SGCG: variants seen among roughly 807,000 people sequenced by gnomAD.
SGCG encodes the protein sarcoglycan gamma, also known as gamma-sarcoglycan.
A neutral mutation model predicts 29.3 loss-of-function variants in SGCG; 26 were observed. The observed-to-expected ratio is 0.89, with a 90% confidence interval of 0.65 to 1.23. The LOEUF is 1.23. Ranked by LOEUF, SGCG falls within the 50% of genes most tolerant of loss-of-function variation. SGCG has a pLI of 0.00. For missense variants in SGCG, 353 were observed against 356.0 expected (o/e 0.99, Z 0.07); for synonymous variants, 145 against 129.7 (o/e 1.12, Z -0.80).
intron 4 of SGCG, among the ~76,000 whole-genome samples, chr13:23,255,080 G>T (rs1313354043): frequency 1.3e-5 from 2 of 152,188 alleles, no homozygotes; most frequent in East Asian, 1.9e-4. Flanking sequence ...CCCTACTGGG[G>T]CATTGCCTAG....
At chr13:23,229,897 C>T (rs1005433052) in intron 2 of SGCG, among the ~76,000 whole-genome samples, 3 of 152,102 alleles carry the variant, frequency 2.0e-5, no homozygotes, top group East Asian at 1.9e-4. Context: ...GCTTATCCTC[C>T]AAGGTTTTTA....
chr13:23,230,173 G>T (rs1879055843), intron 2 of SGCG, among the ~76,000 whole-genome samples: 1 of 152,114 alleles, frequency 6.6e-6, no homozygotes, highest in Admixed American at 6.5e-5. Flanking sequence ...GTGCTCTTTT[G>T]GTTACTGTAG....
At chr13:23,168,887 G>A in the SGCG span, among the ~76,000 whole-genome samples, 3 of 151,954 alleles carry the variant, frequency 2.0e-5, no homozygotes, top group Admixed American at 6.6e-5. Flanking sequence ...CTGAAATTGT[G>A]AGGCATATTA....
intron 6 of SGCG, among the ~76,000 whole-genome samples, chr13:23,310,226 A>G (rs1167899754): frequency 2.0e-5 from 3 of 151,460 alleles, no homozygotes; most frequent in African/African-American, 7.3e-5. Context: ...AGCTGGGACT[A>G]CAGGCGCCCG....
chr13:23,238,625 A>G (rs1241437382), intron 3 of SGCG, among the ~76,000 whole-genome samples: 1 of 152,206 alleles, frequency 6.6e-6, no homozygotes, highest in Non-Finnish European at 1.5e-5. Flanking sequence ...GGAATCCTTG[A>G]AAGTGGCATG....
chr13:23,247,266 T>C (rs571166159), intron 3 of SGCG: 4 of 152,470 alleles, frequency 2.6e-5, no homozygotes, highest in African/African-American at 7.2e-5. Flanking sequence ...TTGAACTCTA[T>C]GTCCCGGGTC....
chr13:23,309,022 T>C (rs35026980), intron 6 of SGCG, among the ~76,000 whole-genome samples: 37,872 of 152,056 alleles, frequency 0.25, 5,348 homozygotes, highest in South Asian at 0.32. Flanking sequence ...CTTTTATATG[T>C]CCTTTAATAT....
chr13:23,293,561 G>A (rs1048290500), intron 5 of SGCG, among the ~76,000 whole-genome samples: 1 of 152,190 alleles, frequency 6.6e-6, no homozygotes, highest in Admixed American at 6.5e-5. Flanking sequence ...TGGGCGCGGT[G>A]GCTCACGCCT....
intron 1 of SGCG, among the ~76,000 whole-genome samples, chr13:23,199,401 G>A (rs1593168589): frequency 6.6e-6 from 1 of 152,194 alleles, no homozygotes; most frequent in Non-Finnish European, 1.5e-5. Context: ...GCAGTTGCCT[G>A]ACCTCCAAGT....
At chr13:23,205,841 G>T (rs1877962997) in intron 2 of SGCG, among the ~76,000 whole-genome samples, 1 of 152,100 alleles carries the variant, frequency 6.6e-6, no homozygotes, top group Non-Finnish European at 1.5e-5. Context: ...CGAGTATTCA[G>T]GATTCTTTAG....
chr13:23,285,090 G>A (rs1226842426), intron 5 of SGCG, among the ~76,000 whole-genome samples: 1 of 152,176 alleles, frequency 6.6e-6, no homozygotes, highest in East Asian at 1.9e-4. Flanking sequence ...CAGGGGTCAG[G>A]GACCCACTTG....
chr13:23,255,018 T>C (rs1052951866), intron 4 of SGCG, among the ~76,000 whole-genome samples: 2 of 152,172 alleles, frequency 1.3e-5, no homozygotes, highest in Non-Finnish European at 2.9e-5. Flanking sequence ...CCCACAAAGA[T>C]ACTGTACTAG....
chr13:23,240,827 G>A (rs191383093), intron 3 of SGCG, among the ~76,000 whole-genome samples: 9 of 152,198 alleles, frequency 5.9e-5, no homozygotes, highest in Non-Finnish European at 1.3e-4. Flanking sequence ...GTGCTTAGAC[G>A]GAAATTTATG....
intron 5 of SGCG, among the ~76,000 whole-genome samples, chr13:23,295,205 T>C (rs1440990900): frequency 2.0e-5 from 3 of 152,232 alleles, no homozygotes; most frequent in African/African-American, 7.2e-5. Flanking sequence ...AAAACATATT[T>C]TGTTTATAGG....
intron 2 of SGCG, among the ~76,000 whole-genome samples, chr13:23,206,145 TTTTA>T (rs1162882494): frequency 2.0e-5 from 3 of 152,224 alleles, no homozygotes; most frequent in Non-Finnish European, 4.4e-5. Context: ...AGATTTCATG[TTTTA>T]TTTATTTTAA....
intron 6 of SGCG, among the ~76,000 whole-genome samples, chr13:23,298,690 T>C (rs1416617570): frequency 6.6e-6 from 1 of 152,142 alleles, no homozygotes; most frequent in Admixed American, 6.5e-5. Flanking sequence ...CAATTTAAAA[T>C]TATAAAATAA....
chr13:23,289,483 A>C (rs999158144), intron 5 of SGCG, among the ~76,000 whole-genome samples: 2 of 152,222 alleles, frequency 1.3e-5, no homozygotes, highest in Non-Finnish European at 2.9e-5. Flanking sequence ...ACATCTATCT[A>C]TAAGAGGGCC....
At chr13:23,235,973 T>C (rs940182709) in intron 3 of SGCG, among the ~76,000 whole-genome samples, 7 of 152,158 alleles carry the variant, frequency 4.6e-5, no homozygotes, top group African/African-American at 1.7e-4. Context: ...CACATAAATA[T>C]CACAAAGAGA....
chr13:23,315,244 A>T (rs897899688), intron 6 of SGCG, among the ~76,000 whole-genome samples: 1 of 152,232 alleles, frequency 6.6e-6, no homozygotes, highest in African/African-American at 2.4e-5. Context: ...ACTGTGGGTC[A>T]TCAAGTCACC....
Sources: allele counts gnomAD v4.1 joint callset (sites outside exome capture counted in the v4.1 genomes callset), GRCh38; gene constraint gnomAD v4.1.1; transcripts MANE v1.5; gene names NCBI Gene and HGNC (gene_info 2026-07-23, HGNC 2026-07-21).